The following GOLGA6D variants were observed in gnomAD, a reference collection of about 807,000 sequenced individuals.
GOLGA6D encodes golgin subfamily A member 6D.
GOLGA6D carries 9 observed loss-of-function variants against 42.1 expected under a neutral mutation model. The ratio of observed to expected loss-of-function variants is 0.21; its 90% CI spans 0.13 to 0.37. The LOEUF (loss-of-function observed/expected upper bound fraction) is 0.37. Among genes scored for constraint, GOLGA6D ranks in the 10% least tolerant of loss-of-function variants. The pLI, the probability that GOLGA6D is intolerant of heterozygous loss-of-function variation, is 1.00. For synonymous variants in GOLGA6D, 39 were observed against 167.3 expected, an observed-to-expected ratio of 0.23 and a Z score of 5.92; for missense variants, 87 against 420.8, an observed-to-expected ratio of 0.21 and a Z score of 6.94.
intron 7 of GOLGA6D, among the ~76,000 whole-genome samples, chr15:75,288,910 CT>C (rs2070866985): frequency 2.2e-5 from 3 of 137,060 alleles, no homozygotes; most frequent in Non-Finnish European, 3.1e-5. Context: ...TAATTTCCCC[CT>C]TCCTATCTGT....
chr15:75,278,172 G>C (rs1281786762), upstream of GOLGA6D, among the ~76,000 whole-genome samples: 5 of 78,050 alleles, frequency 6.4e-5, no homozygotes, highest in African/African-American at 2.5e-4. Context: ...CCCAACCTTG[G>C]GCAAATGGTA....
At chr15:75,294,298 G>T in intron 17 of GOLGA6D, 37 bp downstream of exon 17, 1 of 1,537,072 alleles carries the variant, frequency 6.5e-7, no homozygotes, top group East Asian at 2.3e-5. Flanking sequence ...GCAGGCAGGG[G>T]CAGGGGAGGC....
At chr15:75,276,471 C>G in the GOLGA6D span, among the ~76,000 whole-genome samples, 2 of 147,594 alleles carry the variant, frequency 1.4e-5, no homozygotes, top group Admixed American at 7.1e-5. Context: ...TGTCCACCAG[C>G]TGTGTTTCAA....
At chr15:75,278,535 C>CA (rs1363945049), upstream of GOLGA6D, among the ~76,000 whole-genome samples, 21 of 151,092 alleles carry the variant, frequency 1.4e-4, no homozygotes, top group African/African-American at 4.7e-4. Context: ...TGCCTCGGGA[C>CA]ACCATCAGCA....
chr15:75,276,246 C>T, the GOLGA6D span, among the ~76,000 whole-genome samples: 14 of 150,732 alleles, frequency 9.3e-5, no homozygotes, highest in South Asian at 4.2e-4. Flanking sequence ...TCCTCTGTCC[C>T]TTCCTAGCCC....
At position 75,289,421 on chromosome 15, in the gene GOLGA6D, C is replaced by T. The variant is rs1280239986; in HGVS notation, c.589C>T (p.Leu197Phe). ...DRSSSCREAV[L>F]QRRLQQTIKE... is the part of the protein sequence containing the mutation. ...GTCCTCGAGCTGCAGAGAAGCGGTC[C>T]TCCAGCGGCGGTTACAGCAGACCAT... Residue 197 changes from leucine to phenylalanine, a missense_variant, in exon 8 of 18, where the codon CTC becomes TTC. Physicochemically the swap from Leu to Phe is conservative, Grantham distance 22. Coordinates refer to ENST00000434739, the MANE Select transcript of GOLGA6D (RefSeq NM_001145224.3). 1 of 1,534,986 alleles carries T rather than the reference C, an allele frequency of 6.5e-7. No individual in the cohort carries two copies. Among genetic ancestry groups the T allele is most frequent in the Non-Finnish European group, 8.8e-7 (1 of 1,133,962 alleles).
Position 75,294,414 on chromosome 15 carries a change from C to G in GOLGA6D, c.2021C>G (p.Pro674Arg). ...CCAGGAGTGGCCAGGGAGGGTTCTC[C>G]CCATAACAACCCCACTGTACAGCAG... The part of the protein sequence containing the change: ...PAPGVAREGS[P>R]HNNPTVQQIV... Residue 674 changes from proline to arginine, a missense_variant, in exon 18 of 18, where the codon CCC becomes CGC. Pro to Arg is a moderately radical substitution (Grantham distance 103). Coordinates refer to ENST00000434739, the MANE Select transcript of GOLGA6D (RefSeq NM_001145224.3). 2 of 1,598,420 alleles carry G rather than the reference C, an allele frequency of 1.3e-6. No homozygotes were observed.
At position 75,289,380 on chromosome 15, in the gene GOLGA6D, C is replaced by T. The variant is rs759935361; in HGVS notation, c.565-17C>T. 14 of 1,548,582 alleles carry T rather than the reference C, an allele frequency of 9.0e-6. No homozygotes were observed. Among genetic ancestry groups the T allele is most frequent in the Non-Finnish European group, 1.2e-5 (14 of 1,144,134 alleles). ...CCGAGCTCCCCAGATCAAAACTTCTCACTCTTCACCATCCAGTCCTCGAGC... is the reference window on the plus strand; with the variant it reads ...CCGAGCTCCCCAGATCAAAACTTCTTACTCTTCACCATCCAGTCCTCGAGC... On this transcript the variant is annotated splice_polypyrimidine_tract_variant and intron_variant, in intron 7 of 17. Coordinates refer to ENST00000434739, the MANE Select transcript of GOLGA6D (RefSeq NM_001145224.3).
Position 75,293,758 on chromosome 15 carries a change from GGC to G in GOLGA6D, c.1625_1626del (p.Ala542GlyfsTer31). 1 of 1,590,420 alleles carries G rather than the reference GGC, an allele frequency of 6.3e-7. No individual in the cohort carries two copies. The highest frequency in any genetic ancestry group is 8.6e-7 in the Non-Finnish European group (1 of 1,167,620). On this transcript the variant is annotated frameshift_variant, in exon 15 of 18. Coordinates refer to ENST00000434739, the MANE Select transcript of GOLGA6D (RefSeq NM_001145224.3). LOFTEE classifies it high-confidence loss of function. ...GCTTTATGGACCTCCCGAAGGAGAA[GGC>G]GGACGGGACGGAGCAGGTGGAGAGA... ...SSFMDLPKEK[A>X]DGTEQVERRE...
At position 75,289,348 on chromosome 15, in the gene GOLGA6D, G is replaced by T. The variant is rs753572933; in HGVS notation, c.565-49G>T. On this transcript the variant is annotated intron_variant, in intron 7 of 17. Coordinates refer to ENST00000434739, the MANE Select transcript of GOLGA6D (RefSeq NM_001145224.3). ...AGCCTAGCCCTAGCCCTTTTAAGGG[G>T]CACTGCCCGAGCTCCCCAGATCAAA... 12 of 1,533,126 alleles carry T rather than the reference G, an allele frequency of 7.8e-6. 2 individuals are homozygous for T. In the South Asian group the frequency reaches 1.0e-4, roughly 13 times the overall value. The allele number at this position is 1,533,126 out of a possible 1,614,324, so 95.0% of individuals were successfully genotyped here.
At chr15:75,294,319 C>T in intron 17 of GOLGA6D, 29 bp from the exon 18 acceptor site, 7 of 1,568,678 alleles carry the variant, frequency 4.5e-6, no homozygotes, top group Non-Finnish European at 6.0e-6. Flanking sequence ...TCGCACTGTG[C>T]TCAGACCCCC....
upstream of GOLGA6D, among the ~76,000 whole-genome samples, chr15:75,278,035 AT>A (rs1351710582): frequency 8.4e-6 from 1 of 118,610 alleles, no homozygotes; most frequent in Non-Finnish European, 1.6e-5. Context: ...TTCCAAGCCC[AT>A]GTTTTACTAC....
chr15:75,277,905 T>C (rs1380517080), upstream of GOLGA6D, among the ~76,000 whole-genome samples: 2 of 147,288 alleles, frequency 1.4e-5, no homozygotes, highest in African/African-American at 5.1e-5. Flanking sequence ...TTCAAAATCA[T>C]AACCTGATGC....
At chr15:75,286,161 G>C (rs1332595665) in intron 2 of GOLGA6D, among the ~76,000 whole-genome samples, 2,286 of 48,222 alleles carry the variant, frequency 0.047, 15 homozygotes, top group Admixed American at 0.069. Flanking sequence ...GGAGTGGTGC[G>C]ATCTCGGCTC....
chr15:75,293,941 CA>C lies in GOLGA6D; in HGVS notation c.1724del (p.Gln575ArgfsTer25). 2 of 1,442,454 alleles carry C rather than the reference CA, an allele frequency of 1.4e-6. No individual in the cohort carries two copies. The highest frequency in any genetic ancestry group is 1.7e-5 in the Admixed American group (1 of 58,766). The allele number at this position is 1,442,454 out of a possible 1,614,324, so 89.4% of individuals were successfully genotyped here. A position where few individuals can be genotyped will look rare whatever the true frequency, so the allele number is the denominator to read the frequency against. On this transcript the variant is annotated frameshift_variant, in exon 16 of 18. Transcript: ENST00000434739. LOFTEE classifies it high-confidence loss of function. ...AGAGTCCTTCACCGTATATGAAAGC[CA>C]GGGGGCAGTGCCAAACACGCGGCAC... ...MRESFTVYES[Q>X]GAVPNTRHQE...
rs1465466452 is a variant in GOLGA6D at position 75,293,755 on chromosome 15, G to A, written c.1620G>A (p.Glu540=). ...ATSSFMDLPK[E]KADGTEQVER... ...GCAGCTTTATGGACCTCCCGAAGGA[G>A]AAGGCGGACGGGACGGAGCAGGTGG... is the stretch of plus-strand genomic sequence containing the variant. The change falls in exon 15 of 18, where the codon GAG becomes GAA. Residue 540 remains glutamate (E), a synonymous_variant. Coordinates refer to ENST00000434739, the MANE Select transcript of GOLGA6D (RefSeq NM_001145224.3). 6.3e-7 allele frequency: 1 copy of A among 1,589,074 alleles called. No individual in the cohort carries two copies. The highest frequency in any genetic ancestry group is 8.6e-7 in the Non-Finnish European group (1 of 1,166,622).
chr15:75,279,088 T>C (rs2070838477), upstream of GOLGA6D, among the ~76,000 whole-genome samples: 1 of 143,340 alleles, frequency 7.0e-6, no homozygotes, highest in Non-Finnish European at 1.5e-5. Flanking sequence ...ATGTGGTATA[T>C]ATCCATCAAT....
In GOLGA6D at chr15:75,293,745, T is replaced by C; in HGVS notation, c.1610T>C (p.Leu537Pro). The C allele has an allele frequency of 6.3e-7, 1 of 1,582,252 alleles. No individual in the cohort carries two copies. ...TGGCTCCAGAGCAGCTTTATGGACC[T>C]CCCGAAGGAGAAGGCGGACGGGACG... ...SREATSSFMDLPKEKADGTEQ... is the reference protein window; with the variant it reads ...SREATSSFMDPPKEKADGTEQ... Residue 537 changes from leucine to proline, a missense_variant, in exon 15 of 18, where the codon CTC becomes CCC. Leu to Pro is a moderately conservative substitution (Grantham distance 98, BLOSUM62 -3). Transcript: ENST00000434739.
At chr15:75,278,163 C>G (rs1326693291), upstream of GOLGA6D, among the ~76,000 whole-genome samples, 8 of 80,942 alleles carry the variant, frequency 9.9e-5, no homozygotes, top group Non-Finnish European at 1.8e-4. Context: ...ACACAGCAAC[C>G]CAACCTTGGG....
Sources: allele counts gnomAD v4.1 joint callset (sites outside exome capture counted in the v4.1 genomes callset), GRCh38; gene constraint gnomAD v4.1.1; transcripts MANE v1.5; gene names NCBI Gene and HGNC (gene_info 2026-07-23, HGNC 2026-07-21).